NXPE2: variants seen among roughly 807,000 people sequenced by gnomAD.
The protein encoded by NXPE2 is neurexophilin and PC-esterase domain family member 2, also known as NXPE family member 2.
Under a neutral mutation model 34.4 loss-of-function variants are expected in NXPE2, and 34 were observed. That is an observed-to-expected ratio of 0.99 (90% CI 0.75 to 1.31). NXPE2 has a LOEUF of 1.31. NXPE2 is among the 40% of genes most tolerant of loss of function. The pLI is 0.00. For synonymous variants in NXPE2, 235 were observed against 231.3 expected, an observed-to-expected ratio of 1.02 and a Z score of -0.15; for missense variants, 649 against 672.5, an observed-to-expected ratio of 0.97 and a Z score of 0.39.
At chr11:114,579,209 A>G in the NXPE2 span, among the ~76,000 whole-genome samples, 3 of 152,216 alleles carry the variant, frequency 2.0e-5, no homozygotes, top group Admixed American at 2.0e-4. Context: ...GGCTCTTTTA[A>G]ACAACCAGTT....
At chr11:114,766,050 C>T in the NXPE2 span, among the ~76,000 whole-genome samples, 2 of 152,198 alleles carry the variant, frequency 1.3e-5, no homozygotes, top group East Asian at 1.9e-4. Flanking sequence ...TCCCTCAATA[C>T]ACCATGTTTC....
chr11:114,595,099 C>T, the NXPE2 span, among the ~76,000 whole-genome samples: 1 of 152,128 alleles, frequency 6.6e-6, no homozygotes, highest in East Asian at 1.9e-4. Flanking sequence ...ATCAGGTTCC[C>T]TGTTCTATTC....
At chr11:114,704,354 T>G (rs1591445479) in intron 4 of NXPE2, among the ~76,000 whole-genome samples, 1 of 152,198 alleles carries the variant, frequency 6.6e-6, no homozygotes, top group Non-Finnish European at 1.5e-5. Flanking sequence ...CCAGAGCCAA[T>G]GATCAGGTGC....
At chr11:114,662,432 T>C in the NXPE2 span, among the ~76,000 whole-genome samples, 1 of 152,168 alleles carries the variant, frequency 6.6e-6, no homozygotes, top group East Asian at 1.9e-4. Context: ...TAAAGTGCTA[T>C]AGGACTCTAA....
chr11:114,726,393 A>G, the NXPE2 span, among the ~76,000 whole-genome samples: 1 of 151,782 alleles, frequency 6.6e-6, no homozygotes, highest in African/African-American at 2.4e-5. Context: ...GAACTTATAA[A>G]TTTATGTCTC....
At chr11:114,472,826 A>C in the NXPE2 span, among the ~76,000 whole-genome samples, 1 of 152,218 alleles carries the variant, frequency 6.6e-6, no homozygotes, top group Non-Finnish European at 1.5e-5. Flanking sequence ...TCTCATGGCA[A>C]ACATATGGGT....
chr11:114,543,733 G>C, the NXPE2 span, among the ~76,000 whole-genome samples: 1 of 151,862 alleles, frequency 6.6e-6, no homozygotes, highest in African/African-American at 2.4e-5. Context: ...GTCCTAACTA[G>C]TACAATAAAA....
chr11:114,546,013 TA>T, the NXPE2 span, among the ~76,000 whole-genome samples: 1 of 151,942 alleles, frequency 6.6e-6, no homozygotes, highest in East Asian at 1.9e-4. Flanking sequence ...GTATGCAAAA[TA>T]AAAAAATCAA....
intron 2 of NXPE2, among the ~76,000 whole-genome samples, chr11:114,687,490 G>A (rs1951070036): frequency 6.6e-6 from 1 of 152,006 alleles, no homozygotes; most frequent in Admixed American, 6.6e-5. Flanking sequence ...TTTTGTACCA[G>A]TACTGTGGTG....
chr11:114,640,351 A>T, the NXPE2 span, among the ~76,000 whole-genome samples: 2 of 149,100 alleles, frequency 1.3e-5, no homozygotes, highest in African/African-American at 4.9e-5. Context: ...ATATAAATGT[A>T]GCATATATAT....
the NXPE2 span, among the ~76,000 whole-genome samples, chr11:114,639,529 T>C: frequency 1.3e-5 from 2 of 151,108 alleles, no homozygotes; most frequent in Non-Finnish European, 2.9e-5. Flanking sequence ...GTACCTCAGG[T>C]GGAAATGCAG....
chr11:114,743,305 A>G, the NXPE2 span, among the ~76,000 whole-genome samples: 3 of 152,204 alleles, frequency 2.0e-5, no homozygotes, highest in East Asian at 1.9e-4. Flanking sequence ...GTAAGTTCTC[A>G]GTAAATTATG....
At chr11:114,530,158 A>C in the NXPE2 span, 2 of 1,574,936 alleles carry the variant, frequency 1.3e-6, no homozygotes, top group Non-Finnish European at 1.7e-6. Flanking sequence ...CTCAGTATAC[A>C]TGAAAAGTAT....
chr11:114,720,298 C>T, the NXPE2 span, among the ~76,000 whole-genome samples: 1 of 152,212 alleles, frequency 6.6e-6, no homozygotes, highest in Non-Finnish European at 1.5e-5. Flanking sequence ...GGCGACTCAG[C>T]TAGGGGAAGA....
chr11:114,581,667 G>A, the NXPE2 span: 1 of 1,352,296 alleles, frequency 7.4e-7, no homozygotes, highest in Non-Finnish European at 1.1e-6. Context: ...GTAGAAAGAA[G>A]AAACCCTTTA....
At chr11:114,469,021 T>C in the NXPE2 span, among the ~76,000 whole-genome samples, 2 of 150,566 alleles carry the variant, frequency 1.3e-5, no homozygotes, top group East Asian at 3.9e-4. Context: ...AAAATAGTTA[T>C]AAAACTTTGG....
chr11:114,671,687 A>G, the NXPE2 span, among the ~76,000 whole-genome samples: 1 of 152,026 alleles, frequency 6.6e-6, no homozygotes, highest in African/African-American at 2.4e-5. Context: ...AGAGTGTTTT[A>G]TCTAGCAAAA....
At chr11:114,653,575 G>A in the NXPE2 span, among the ~76,000 whole-genome samples, 12 of 125,490 alleles carry the variant, frequency 9.6e-5, no homozygotes, top group East Asian at 9.9e-4. Context: ...TTGCTCTGTC[G>A]CCCAGGCAGT....
the NXPE2 span, among the ~76,000 whole-genome samples, chr11:114,738,208 C>G: frequency 5.3e-5 from 8 of 152,146 alleles, no homozygotes; most frequent in Non-Finnish European, 1.2e-4. Flanking sequence ...TTATATTGCT[C>G]CAAGTTGTAG....
Sources: allele counts gnomAD v4.1 joint callset (sites outside exome capture counted in the v4.1 genomes callset), GRCh38; gene constraint gnomAD v4.1.1; transcripts MANE v1.5; gene names NCBI Gene and HGNC (gene_info 2026-07-23, HGNC 2026-07-21).